The following BACH2 variants were observed in gnomAD, a reference collection of about 807,000 sequenced individuals.
BACH2 encodes transcription regulator protein BACH2.
A neutral mutation model predicts 61.8 loss-of-function variants in BACH2; 5 were observed. That is an observed-to-expected ratio of 0.08 (90% CI 0.04 to 0.17). BACH2 has a LOEUF of 0.17. Among genes scored for constraint, BACH2 ranks in the 10% least tolerant of loss-of-function variants. BACH2 has a pLI of 1.00. For synonymous variants in BACH2, 446 were observed against 440.1 expected (o/e 1.01, Z -0.17); for missense variants, 824 against 1,091.1 (o/e 0.76, Z 3.45).
At chr6:90,174,133 A>C (rs1767912397) in intron 4 of BACH2, among the ~76,000 whole-genome samples, 1 of 152,100 alleles carries the variant, frequency 6.6e-6, no homozygotes, top group Non-Finnish European at 1.5e-5. Flanking sequence ...GGAGAAACTA[A>C]CCATAAGACA....
chr6:90,022,373 C>T (rs767174250), intron 5 of BACH2, among the ~76,000 whole-genome samples: 13 of 152,148 alleles, frequency 8.5e-5, no homozygotes, highest in Non-Finnish European at 1.6e-4. Flanking sequence ...TGCTTGAGGC[C>T]AGGAGTTGGA....
intron 1 of BACH2, among the ~76,000 whole-genome samples, chr6:90,279,318 T>A (rs1289069923): frequency 1.3e-5 from 2 of 149,368 alleles, no homozygotes; most frequent in African/African-American, 2.5e-5. Flanking sequence ...AGATCAGGAG[T>A]TTCAGACCAG....
intron 5 of BACH2, among the ~76,000 whole-genome samples, chr6:90,027,210 T>G (rs1778680039): frequency 6.6e-6 from 1 of 152,092 alleles, no homozygotes; most frequent in Non-Finnish European, 1.5e-5. Flanking sequence ...GCAGGTCAAA[T>G]GCCCTTCAGA....
At chr6:90,026,059 TTCTG>T (rs1346736318) in intron 5 of BACH2, among the ~76,000 whole-genome samples, 3 of 152,136 alleles carry the variant, frequency 2.0e-5, no homozygotes, top group South Asian at 2.1e-4. Context: ...ACAGAAATTA[TTCTG>T]TCTTAGAAAA....
chr6:90,180,174 A>T (rs1294597639), intron 4 of BACH2, among the ~76,000 whole-genome samples: 1 of 152,162 alleles, frequency 6.6e-6, no homozygotes, highest in Non-Finnish European at 1.5e-5. Context: ...GAAAAATAAA[A>T]ATTTAACTTT....
rs71027920 is a variant in BACH2 at position 90,065,270 on chromosome 6, C to CTTTTTTTTTTTT, written c.-13+23679_-13+23690dup. On this transcript the variant is annotated intron_variant, in intron 5 of 8. Coordinates refer to ENST00000257749, the MANE Select transcript of BACH2 (RefSeq NM_021813.4). ...GCCACCCCACCCCCTGCCGCCCCCA[C>CTTTTTTTTTTTT]TTTTTTTTTTTTTTTTTTTTTTTTT... Among the ~76,000 whole-genome samples, 10 of 52,666 alleles carry CTTTTTTTTTTTT rather than the reference C, an allele frequency of 1.9e-4. 1 individual carries two copies. Among genetic ancestry groups the CTTTTTTTTTTTT allele is most frequent in the Admixed American group, 1.5e-3 (4 of 2,722 alleles). 34.6% of individuals were successfully genotyped at this position (52,666 alleles called of 152,430 possible).
chr6:90,111,138 G>C (rs551457432), intron 4 of BACH2, among the ~76,000 whole-genome samples: 30 of 152,120 alleles, frequency 2.0e-4, no homozygotes, highest in Non-Finnish European at 4.1e-4. Flanking sequence ...CAGCATCTTG[G>C]TATTACTGTG....
At chr6:90,028,248 A>G (rs1468118767) in intron 5 of BACH2, among the ~76,000 whole-genome samples, 2 of 152,360 alleles carry the variant, frequency 1.3e-5, no homozygotes, top group South Asian at 2.1e-4. Context: ...ACATAATTAT[A>G]TAAAGAATGT....
At chr6:90,151,516 C>G (rs914498858) in intron 4 of BACH2, among the ~76,000 whole-genome samples, 3 of 152,176 alleles carry the variant, frequency 2.0e-5, no homozygotes, top group African/African-American at 7.2e-5. Flanking sequence ...GTCTTGAACT[C>G]CTGGGATCAA....
At chr6:90,278,380 CTTCCAGGCCATGGAGACCT>C (rs1268548946) in intron 1 of BACH2, among the ~76,000 whole-genome samples, 1 of 152,266 alleles carries the variant, frequency 6.6e-6, no homozygotes, top group Non-Finnish European at 1.5e-5. Flanking sequence ...GTGGGACACC[CTTCCAGGCCATGGAGACCT>C]TTCCAGGCCG....
intron 6 of BACH2, among the ~76,000 whole-genome samples, chr6:89,990,455 C>T (rs1261932993): frequency 6.6e-6 from 1 of 152,174 alleles, no homozygotes; most frequent in Non-Finnish European, 1.5e-5. Flanking sequence ...CATCCACCTA[C>T]CCAACCCTGT....
At chr6:90,116,679 G>A in intron 4 of BACH2, 1 of 317,842 alleles carries the variant, frequency 3.1e-6, no homozygotes, top group Non-Finnish European at 6.4e-6. Context: ...TGATGTGATG[G>A]CAGTGATGGT....
intron 4 of BACH2, among the ~76,000 whole-genome samples, chr6:90,137,768 A>G (rs894355130): frequency 1.3e-5 from 2 of 152,172 alleles, no homozygotes; most frequent in Non-Finnish European, 2.9e-5. Flanking sequence ...GCTCTCCCCA[A>G]CCAGGATGAT....
intron 5 of BACH2, among the ~76,000 whole-genome samples, chr6:90,059,180 A>AACAGG (rs1166192583): frequency 1.3e-5 from 2 of 152,282 alleles, no homozygotes; most frequent in Non-Finnish European, 2.9e-5. Context: ...CATCAGAGTG[A>AACAGG]ACAGGCAACC....
chr6:90,093,256 G>A (rs936315181), intron 4 of BACH2, among the ~76,000 whole-genome samples: 2 of 152,108 alleles, frequency 1.3e-5, no homozygotes, highest in African/African-American at 2.4e-5. Flanking sequence ...TCAAAGAGAC[G>A]GCCACCACTG....
In BACH2 at chr6:90,292,536, G is replaced by A. The variant is rs914664669; in HGVS notation, c.-446+3944C>T. 4.6e-5 allele frequency among the ~76,000 whole-genome samples: 7 copies of A among 152,272 alleles called. No individual in the cohort carries two copies. In the South Asian group the frequency reaches 1.0e-3, roughly 23 times the overall value. Reference sequence around the variant, plus strand: ...ATTAAATTATTCGGCCTTTCATGTCGAATTCTCTGTTAAAAAGGAAGCTGA... The same window carrying A: ...ATTAAATTATTCGGCCTTTCATGTCAAATTCTCTGTTAAAAAGGAAGCTGA... On this transcript the variant is annotated intron_variant, in intron 1 of 8. Coordinates refer to ENST00000257749, the MANE Select transcript of BACH2 (RefSeq NM_021813.4).
intron 5 of BACH2, among the ~76,000 whole-genome samples, chr6:90,050,808 C>T (rs946545059): frequency 1.3e-5 from 2 of 149,868 alleles, no homozygotes; most frequent in Admixed American, 6.6e-5. Context: ...CTTGCTCTGT[C>T]GCCCAGCCTG....
chr6:90,093,869 G>A (rs1782273860), intron 4 of BACH2, among the ~76,000 whole-genome samples: 2 of 152,186 alleles, frequency 1.3e-5, no homozygotes, highest in South Asian at 4.1e-4. Flanking sequence ...CTGCTCTTAG[G>A]AAAAGGTGGG....
chr6:90,081,061 C>T (rs1481112256), intron 5 of BACH2, among the ~76,000 whole-genome samples: 2 of 152,016 alleles, frequency 1.3e-5, no homozygotes, highest in African/African-American at 4.8e-5. Context: ...CTGAACGCAG[C>T]GAAAGCAAAA....
Sources: gnomAD v4.1 joint callset for allele counts (sites outside exome capture counted in the v4.1 genomes callset) on GRCh38, gnomAD v4.1.1 for gene constraint, MANE v1.5 for transcripts, NCBI Gene and HGNC (gene_info 2026-07-23, HGNC 2026-07-21) for gene names.